NCKIPSD: variants seen among roughly 807,000 people sequenced by gnomAD.
The protein encoded by NCKIPSD is NCK interacting protein with SH3 domain.
A neutral mutation model predicts 73.4 loss-of-function variants in NCKIPSD; 48 were observed. That is an observed-to-expected ratio of 0.65 (90% CI 0.52 to 0.83). NCKIPSD has a LOEUF of 0.83. Ranked by LOEUF, NCKIPSD falls within the 40% of genes least tolerant of loss-of-function variation. The pLI is 0.00. For synonymous variants in NCKIPSD, 422 were observed against 403.6 expected (o/e 1.05, Z -0.54); for missense variants, 884 against 970.2 (o/e 0.91, Z 1.18).
Position 48,674,038 on chromosome 3 carries a change from A to G in NCKIPSD, c.*506T>C. On this transcript the variant is annotated 3_prime_UTR_variant, in exon 13 of 13. Coordinates refer to ENST00000294129, the MANE Select transcript of NCKIPSD (RefSeq NM_016453.4). ...CCGCTTTCAAAGCAGCAGCTTGGCC[A>G]AGGCCTCTGGGGGTAGGAGTGAAGG... The G allele has an allele frequency of 9.3e-7, 1 of 1,070,974 alleles. No homozygotes were observed. Among genetic ancestry groups the G allele is most frequent in the Non-Finnish European group, 1.1e-6 (1 of 882,150 alleles). 66.3% of individuals were successfully genotyped at this position (1,070,974 alleles called of 1,614,324 possible).
chr3:48,677,987 C>CA (rs2077280665), intron 12 of NCKIPSD, among the ~76,000 whole-genome samples: 1 of 152,206 alleles, frequency 6.6e-6, no homozygotes, highest in African/African-American at 2.4e-5. Context: ...ACATTCAAAA[C>CA]ACGACTCTCT....
rs36059909 is a variant in NCKIPSD at position 48,678,596 on chromosome 3, G to A, written c.1933C>T (p.Arg645Trp). Reference protein sequence around the residue: ...DMMALIDITVRHIADLSPGDK... With the variant: ...DMMALIDITVWHIADLSPGDK... ...CCTGGTGACAGGTCTGCGATGTGCCGCACAGTGATGTCAATGAGAGCCATC... is the reference window on the plus strand; with the variant it reads ...CCTGGTGACAGGTCTGCGATGTGCCACACAGTGATGTCAATGAGAGCCATC... Residue 645 changes from arginine to tryptophan, a missense_variant, in exon 12 of 13, where the codon CGG becomes TGG. Physicochemically the swap from Arg to Trp is moderately radical, Grantham distance 101 (BLOSUM62 -3). Coordinates refer to ENST00000294129, the MANE Select transcript of NCKIPSD (RefSeq NM_016453.4). 1.4e-5 allele frequency: 23 copies of A among 1,613,850 alleles called. No homozygotes were observed. Among genetic ancestry groups the A allele is most frequent in the Admixed American group, 3.3e-5 (2 of 60,004 alleles).
In NCKIPSD at chr3:48,678,959, C is replaced by G. The variant is rs1420967914; in HGVS notation, c.1710G>C (p.Gln570His). 4 of 1,614,008 alleles carry G rather than the reference C, an allele frequency of 2.5e-6. No individual in the cohort carries two copies. Among genetic ancestry groups the G allele is most frequent in the Middle Eastern group, 1.6e-4 (1 of 6,084 alleles). Residue 570 changes from glutamine to histidine, a missense_variant, in exon 11 of 13, where the codon CAG (glutamine) becomes CAC (histidine). Gln to His is a conservative substitution (Grantham distance 24). Transcript: ENST00000294129. ...ALNLHLPAAD[Q>H]NVIMAALSKH... is the part of the protein sequence containing the mutation. ...TGCTCAGGGCAGCCATGATGACATT[C>G]TGGTCAGCAGCTAAGGAAGGACATG... is the stretch of plus-strand genomic sequence containing the variant.
chr3:48,677,900 A>C (rs1451772834), intron 12 of NCKIPSD, among the ~76,000 whole-genome samples: 1 of 152,106 alleles, frequency 6.6e-6, no homozygotes, highest in Admixed American at 6.6e-5. Context: ...ATGTCTCTCT[A>C]GTCTCAACTC....
intron 12 of NCKIPSD, among the ~76,000 whole-genome samples, chr3:48,675,642 A>G (rs895904076): frequency 6.6e-6 from 1 of 151,148 alleles, no homozygotes; most frequent in Non-Finnish European, 1.5e-5. Flanking sequence ...CCTGGATTCA[A>G]GTGATTCTCC....
At chr3:48,685,527 G>A in intron 1 of NCKIPSD, 110 bp downstream of exon 1, 2 of 1,328,128 alleles carry the variant, frequency 1.5e-6, no homozygotes, top group South Asian at 1.5e-5. Flanking sequence ...TCTGATAGAG[G>A]TCCTGGCCTC....
intron 1 of NCKIPSD, 96 bp from the exon 2 acceptor site, chr3:48,683,108 TA>T: frequency 1.3e-6 from 2 of 1,533,572 alleles, no homozygotes; most frequent in Non-Finnish European, 8.7e-7. Flanking sequence ...AGAGAACCAA[TA>T]TAGCGAAAGC....
chr3:48,678,224 T>C (rs1426977159), intron 12 of NCKIPSD, among the ~76,000 whole-genome samples: 2 of 152,232 alleles, frequency 1.3e-5, no homozygotes, highest in Admixed American at 1.3e-4. Flanking sequence ...GCTTCCACTC[T>C]GCTGGCATGC....
At chr3:48,684,103 A>G (rs1356282683) in intron 1 of NCKIPSD, among the ~76,000 whole-genome samples, 2 of 152,178 alleles carry the variant, frequency 1.3e-5, no homozygotes, top group African/African-American at 4.8e-5. Flanking sequence ...CAACGCAGAA[A>G]GAAACAGAGC....
chr3:48,678,782 C>G, intron 11 of NCKIPSD, 46 bp from the exon 12 acceptor site: 2 of 1,610,724 alleles, frequency 1.2e-6, no homozygotes, highest in Admixed American at 1.7e-5. Context: ...TTGTGGGGAT[C>G]CCAGAGTCAC....
Position 48,683,066 on chromosome 3 carries a change from GC to G in NCKIPSD, c.172-55del, listed in dbSNP as rs748067779. The G allele has an allele frequency of 2.6e-6, 4 of 1,543,050 alleles. No homozygotes were observed. In the East Asian group the frequency reaches 9.8e-5, roughly 38 times the overall value. On this transcript the variant is annotated intron_variant, in intron 1 of 12. Transcript: ENST00000294129. The stretch of plus-strand genomic sequence containing the variant: ...CCTGAAGGCCAAACGGAGGTGCTCA[GC>G]CCAGGCCCAGCCCGAGATAGAACCC...
chr3:48,685,764 G>A lies in NCKIPSD; in HGVS notation c.44C>T (p.Ala15Val), dbSNP rs1371159866. The change falls in exon 1 of 13, where the codon GCG becomes GTG. Residue 15 changes from alanine (A) to valine (V), a missense_variant. Physicochemically the swap from Ala to Val is moderately conservative, Grantham distance 64 (BLOSUM62 0). Transcript: ENST00000294129. Reference protein sequence around the residue: ...LYAFRSAEPNALAFAAGETFL... With the variant: ...LYAFRSAEPNVLAFAAGETFL... The stretch of plus-strand genomic sequence containing the variant: ...GGTCTCGCCCGCGGCGAACGCCAGC[G>A]CGTTGGGCTCCGCCGAGCGGAACGC... The A allele has an allele frequency of 5.9e-6, 9 of 1,533,770 alleles. No individual in the cohort carries two copies. The highest frequency in any genetic ancestry group is 1.4e-5 in the African/African-American group (1 of 70,812).
intron 1 of NCKIPSD, 89 bp from the exon 2 acceptor site, chr3:48,683,101 G>A (rs1042207711): frequency 1.3e-6 from 2 of 1,536,438 alleles, no homozygotes; most frequent in Non-Finnish European, 1.7e-6. Flanking sequence ...CCAGGGCAGA[G>A]AACCAATATA....
At chr3:48,682,631 G>A (rs2077374109) in intron 2 of NCKIPSD, 79 bp from the exon 3 acceptor site, 1 of 1,508,556 alleles carries the variant, frequency 6.6e-7, no homozygotes, top group Non-Finnish European at 9.1e-7. Flanking sequence ...GGGATGCTGG[G>A]ACCCCATAGC....
chr3:48,685,170 C>G (rs2077415410), intron 1 of NCKIPSD, among the ~76,000 whole-genome samples: 1 of 65,180 alleles, frequency 1.5e-5, no homozygotes, highest in Admixed American at 2.1e-4. Flanking sequence ...GGGGGCAAGG[C>G]GCGGGGTTGG....
chr3:48,674,883 AT>A lies in NCKIPSD; in HGVS notation c.1966-137del, dbSNP rs1413245348. 5 of 811,178 alleles carry A rather than the reference AT, an allele frequency of 6.2e-6. No homozygotes were observed. The Admixed American group carries it at 1.3e-4, about 21-fold the overall frequency. The allele number at this position is 811,178 out of a possible 1,614,324, so 50.2% of individuals were successfully genotyped here. A position where few individuals can be genotyped will look rare whatever the true frequency, so the allele number is the denominator to read the frequency against. On this transcript the variant is annotated intron_variant, in intron 12 of 12. Coordinates refer to ENST00000294129, the MANE Select transcript of NCKIPSD (RefSeq NM_016453.4). ...CAGGGCTGCATCCCCAGCACCCACA[AT>A]ATACCTGGCACAGAATTGGTCTTCA... is the stretch of plus-strand genomic sequence containing the variant.
intron 12 of NCKIPSD, 89 bp from the exon 13 acceptor site, chr3:48,674,836 C>A (rs2077227960): frequency 7.4e-7 from 1 of 1,347,328 alleles, no homozygotes; most frequent in Admixed American, 2.0e-5. Flanking sequence ...CCCACAGACC[C>A]CAGGGCTGTG....
chr3:48,678,887 C>A lies in NCKIPSD; in HGVS notation c.1782G>T (p.Leu594=), dbSNP rs1270519989. 2.5e-6 allele frequency: 4 copies of A among 1,613,806 alleles called. No individual in the cohort carries two copies. The highest frequency in any genetic ancestry group is 3.4e-6 in the Non-Finnish European group (4 of 1,180,010). ...KIFSEKLLLL[L]NRGDDPVRIF... is the part of the protein sequence containing the mutation. ...TTCCCGGGCCCTCACCCCCTCTGTT[C>A]AGGAGCAACAACAGCTTCTCGGAGA... The change falls in exon 11 of 13, where the codon CTG becomes CTT. Residue 594 remains leucine (L), a synonymous_variant. Transcript: ENST00000294129.
At chr3:48,685,431 C>T (rs916716167) in intron 1 of NCKIPSD, among the ~76,000 whole-genome samples, 7 of 151,950 alleles carry the variant, frequency 4.6e-5, no homozygotes, top group Admixed American at 3.9e-4. Flanking sequence ...CTGTCAAGGG[C>T]CTGGTCTTTT....
Sources: allele counts gnomAD v4.1 joint callset (sites outside exome capture counted in the v4.1 genomes callset), GRCh38; gene constraint gnomAD v4.1.1; transcripts MANE v1.5; gene names NCBI Gene and HGNC (gene_info 2026-07-23, HGNC 2026-07-21).